The following SORCS2 variants were observed in gnomAD, a reference collection of about 807,000 sequenced individuals.
SORCS2 encodes VPS10 domain-containing receptor SorCS2.
A neutral mutation model predicts 141.6 loss-of-function variants in SORCS2; 100 were observed. The ratio of observed to expected loss-of-function variants is 0.71; its 90% CI spans 0.60 to 0.83. The LOEUF (loss-of-function observed/expected upper bound fraction) is 0.83. Among genes scored for constraint, SORCS2 ranks in the 40% least tolerant of loss-of-function variants. The pLI, the probability that SORCS2 is intolerant of heterozygous loss-of-function variation, is 0.00. For missense variants in SORCS2, 1,646 were observed against 1,560.2 expected, an observed-to-expected ratio of 1.05 and a Z score of -0.93; for synonymous variants, 789 against 676.9, an observed-to-expected ratio of 1.17 and a Z score of -2.57.
In SORCS2 at chr4:7,663,526, G is replaced by A. The variant is rs1164532127; in HGVS notation, c.953-827G>A. Among the ~76,000 whole-genome samples the A allele has an allele frequency of 6.6e-6, 1 of 152,240 alleles. No homozygotes were observed. The highest frequency in any genetic ancestry group is 1.5e-5 in the Non-Finnish European group (1 of 68,046). The stretch of plus-strand genomic sequence containing the variant: ...CAGGAGGGCTTGGCAGTGGCCTGGT[G>A]CTGCTGCCCACGTACCCTCTGTGTA... On this transcript the variant is annotated intron_variant, in intron 6 of 26. Coordinates refer to ENST00000507866, the MANE Select transcript of SORCS2 (RefSeq NM_020777.3). The surrounding 1 kb of genome is among the most constrained non-coding windows in gnomAD (Gnocchi z 4.8).
At position 7,416,066 on chromosome 4, in the gene SORCS2, G is replaced by A. The variant is rs112166369; in HGVS notation, c.548+19711G>A. ...TTAGAGCGGCTAAAGCGTTAGGTGG[G>A]AGGAGGATGGCAGGGGAGTGCACTA... On this transcript the variant is annotated intron_variant, in intron 2 of 26. Coordinates refer to ENST00000507866, the MANE Select transcript of SORCS2 (RefSeq NM_020777.3). Among the ~76,000 whole-genome samples the A allele has an allele frequency of 6.5e-3, 992 of 152,310 alleles. 16 individuals carry two copies. The highest frequency in any genetic ancestry group is 0.022 in the African/African-American group (930 of 41,544).
chr4:7,403,975 ATATATATATATATATATATATATTTT>A (rs1380431866), intron 2 of SORCS2, among the ~76,000 whole-genome samples: 2 of 44,018 alleles, frequency 4.5e-5, no homozygotes, highest in African/African-American at 1.6e-4. Context: ...ATATATATAT[ATATATATATATATATATATATATTTT>A]TTTTTTTTTT....
intron 14 of SORCS2, among the ~76,000 whole-genome samples, chr4:7,704,704 AG>A (rs1725305867): frequency 1.3e-5 from 2 of 152,198 alleles, no homozygotes. Flanking sequence ...TGAGGGGCAA[AG>A]GGGCCTCAGG....
intron 3 of SORCS2, among the ~76,000 whole-genome samples, chr4:7,577,236 G>A (rs1234348195): frequency 1.3e-5 from 2 of 152,200 alleles, no homozygotes; most frequent in Non-Finnish European, 2.9e-5. Flanking sequence ...TAAGGAGAGG[G>A]TTCCTTAAAG....
At chr4:7,493,438 C>T (rs1446977505) in intron 2 of SORCS2, among the ~76,000 whole-genome samples, 1 of 152,110 alleles carries the variant, frequency 6.6e-6, no homozygotes, top group Non-Finnish European at 1.5e-5. Flanking sequence ...ACCGGATCTG[C>T]CTGACCCTTG....
At chr4:7,594,287 C>T (rs1717116010) in intron 3 of SORCS2, among the ~76,000 whole-genome samples, 1 of 152,240 alleles carries the variant, frequency 6.6e-6, no homozygotes, top group Non-Finnish European at 1.5e-5. Flanking sequence ...AAGCTTGTCA[C>T]CTGCCACGGT....
intron 2 of SORCS2, among the ~76,000 whole-genome samples, chr4:7,470,275 A>ATCCTCCCG (rs1366204922): frequency 1.3e-5 from 2 of 150,484 alleles, no homozygotes; most frequent in Non-Finnish European, 3.0e-5. Context: ...CCATCCTGCC[A>ATCCTCCCG]TCCTCCCGTC....
At chr4:7,610,849 G>T (rs1187218294) in intron 3 of SORCS2, among the ~76,000 whole-genome samples, 1 of 152,210 alleles carries the variant, frequency 6.6e-6, no homozygotes, top group Non-Finnish European at 1.5e-5. Context: ...TGTGGACGGG[G>T]ATGGGGAAGG....
intron 9 of SORCS2, among the ~76,000 whole-genome samples, chr4:7,676,828 T>C (rs971224582): frequency 8.9e-6 from 1 of 112,244 alleles, no homozygotes; most frequent in South Asian, 3.3e-4. Flanking sequence ...TCTCTCTCTC[T>C]CCCTCTCTCC....
intron 2 of SORCS2, among the ~76,000 whole-genome samples, chr4:7,512,207 AC>A (rs1461254559): frequency 1.3e-5 from 2 of 151,644 alleles, no homozygotes; most frequent in Non-Finnish European, 2.9e-5. Flanking sequence ...TCGCACAGTC[AC>A]TCATCAACCC....
chr4:7,657,700 GTGAA>G (rs1292349340), intron 5 of SORCS2, among the ~76,000 whole-genome samples: 5 of 151,984 alleles, frequency 3.3e-5, no homozygotes, highest in African/African-American at 1.2e-4. Flanking sequence ...CTGTGATTGA[GTGAA>G]TGAGTGAGTA....
chr4:7,391,079 A>G (rs1183957007), intron 1 of SORCS2, among the ~76,000 whole-genome samples: 1 of 152,184 alleles, frequency 6.6e-6, no homozygotes, highest in Non-Finnish European at 1.5e-5. Flanking sequence ...AGTTAGCACC[A>G]TTTCTCAGAT....
intron 2 of SORCS2, among the ~76,000 whole-genome samples, chr4:7,447,408 A>T (rs1314570811): frequency 1.3e-5 from 2 of 152,164 alleles, no homozygotes; most frequent in Non-Finnish European, 2.9e-5. Flanking sequence ...GCACATGGTA[A>T]ACCCTCAATA....
chr4:7,352,727 C>T (rs78406712), intron 1 of SORCS2, among the ~76,000 whole-genome samples: 8 of 152,138 alleles, frequency 5.3e-5, no homozygotes, highest in African/African-American at 7.2e-5. Flanking sequence ...GCAGCTGGAA[C>T]GGCAGGAAGG....
intron 3 of SORCS2, among the ~76,000 whole-genome samples, chr4:7,635,574 G>C (rs936911399): frequency 6.6e-6 from 1 of 152,132 alleles, no homozygotes; most frequent in Non-Finnish European, 1.5e-5. Context: ...TGTCAGCGTG[G>C]TATGTACAGT....
intron 1 of SORCS2, among the ~76,000 whole-genome samples, chr4:7,277,092 A>T (rs938726565): frequency 1.6e-5 from 2 of 125,900 alleles, no homozygotes; most frequent in African/African-American, 3.0e-5. Context: ...CCCTGCCCCC[A>T]CGTCCTGTGA....
chr4:7,532,644 G>A (rs1453402834), intron 3 of SORCS2, among the ~76,000 whole-genome samples: 3 of 152,230 alleles, frequency 2.0e-5, no homozygotes, highest in African/African-American at 2.4e-5. Flanking sequence ...GGAGCTGGGC[G>A]CACTGGAGCT....
intron 2 of SORCS2, among the ~76,000 whole-genome samples, chr4:7,516,542 AAC>A (rs1175695299): frequency 6.6e-6 from 1 of 152,038 alleles, no homozygotes; most frequent in Non-Finnish European, 1.5e-5. Flanking sequence ...CCGCTTGCAA[AAC>A]ACAGTTCCAT....
At chr4:7,226,687 G>T (rs1729010317) in intron 1 of SORCS2, among the ~76,000 whole-genome samples, 1 of 152,170 alleles carries the variant, frequency 6.6e-6, no homozygotes, top group South Asian at 2.1e-4. Context: ...CACCGCTGAG[G>T]TTAAGATGCA....
Sources: gnomAD v4.1 joint callset for allele counts (sites outside exome capture counted in the v4.1 genomes callset) on GRCh38, gnomAD v4.1.1 for gene constraint, Gnocchi (gnomAD v3.1) non-coding constraint, MANE v1.5 for transcripts, NCBI Gene and HGNC (gene_info 2026-07-23, HGNC 2026-07-21) for gene names.